Variants in NKAIN2 observed in about 807,000 individuals in gnomAD.
NKAIN2 encodes the protein sodium/potassium-transporting ATPase subunit beta-1-interacting protein 2.
A neutral mutation model predicts 32.6 loss-of-function variants in NKAIN2; 14 were observed. That is an observed-to-expected ratio of 0.43 (90% CI 0.28 to 0.67). The LOEUF is 0.67. NKAIN2 is among the 30% of genes least tolerant of loss of function. The pLI is 0.17. For synonymous variants in NKAIN2, 80 were observed against 87.2 expected (o/e 0.92, Z 0.46); for missense variants, 198 against 258.3 (o/e 0.77, Z 1.60).
chr6:124,483,262 A>T (rs1477775760), intron 3 of NKAIN2, among the ~76,000 whole-genome samples: 3 of 152,110 alleles, frequency 2.0e-5, no homozygotes, highest in African/African-American at 7.2e-5. Context: ...TGCCAACATC[A>T]CTCCATAAGT....
chr6:123,839,136 C>T (rs542305211), intron 1 of NKAIN2, among the ~76,000 whole-genome samples: 1 of 151,470 alleles, frequency 6.6e-6, no homozygotes, highest in South Asian at 2.1e-4. Context: ...GCACAGAAGG[C>T]TGGCAGAACA....
intron 1 of NKAIN2, among the ~76,000 whole-genome samples, chr6:124,025,321 C>T (rs775486297): frequency 6.6e-6 from 1 of 152,088 alleles, no homozygotes; most frequent in Non-Finnish European, 1.5e-5. Flanking sequence ...AGTAGGAGAT[C>T]GGATGCATGA....
chr6:124,824,697 AAACT>A lies in NKAIN2; in HGVS notation c.*1472_*1475del, dbSNP rs1400179153. The A allele has an allele frequency of 6.6e-6, 1 of 152,172 alleles. No individual in the cohort carries two copies. Among genetic ancestry groups the A allele is most frequent in the African/African-American group, 2.4e-5 (1 of 41,450 alleles). 9.4% of individuals were successfully genotyped at this position (152,172 alleles called of 1,614,324 possible). A position where few individuals can be genotyped will look rare whatever the true frequency, so the allele number is the denominator to read the frequency against. On this transcript the variant is annotated 3_prime_UTR_variant, in exon 7 of 7. Coordinates refer to ENST00000368417, the MANE Select transcript of NKAIN2 (RefSeq NM_001040214.3). ...CTGAGACATTAAACTCAATTTTTTA[AAACT>A]AACACACCATTCTTTAGTGCAGTGA...
intron 3 of NKAIN2, among the ~76,000 whole-genome samples, chr6:124,510,181 T>C (rs505424): frequency 0.012 from 1,896 of 152,168 alleles, 16 homozygotes; most frequent in Non-Finnish European, 0.019. Context: ...TATTTTTACA[T>C]CGAATGTTGG....
chr6:124,338,629 C>A (rs892339104), intron 2 of NKAIN2, among the ~76,000 whole-genome samples: 3 of 152,060 alleles, frequency 2.0e-5, no homozygotes, highest in African/African-American at 7.2e-5. Context: ...CATCCTAGAA[C>A]TTTATTCTAA....
chr6:124,256,638 A>T (rs1481700471), intron 1 of NKAIN2, among the ~76,000 whole-genome samples: 1 of 152,168 alleles, frequency 6.6e-6, no homozygotes, highest in South Asian at 2.1e-4. Flanking sequence ...GTCTTTCTCT[A>T]ATGTTTCAGC....
At chr6:124,309,132 A>G (rs925513903) in intron 2 of NKAIN2, among the ~76,000 whole-genome samples, 1 of 152,150 alleles carries the variant, frequency 6.6e-6, no homozygotes, top group Non-Finnish European at 1.5e-5. Context: ...AAGCTCACTC[A>G]CATACTAGTG....
Position 124,776,790 on chromosome 6 carries a change from G to A in NKAIN2, c.475-14549G>A, listed in dbSNP as rs555421762. Among the ~76,000 whole-genome samples the A allele has an allele frequency of 1.2e-3, 175 of 152,006 alleles. 1 individual carries two copies. The highest frequency in any genetic ancestry group is 3.9e-3 in the African/African-American group (163 of 41,480). On this transcript the variant is annotated intron_variant, in intron 4 of 6. Transcript: ENST00000368417. ...TCTTTAGCAATTGCTGGAGTATTAT[G>A]CTTCAAATTATAGGCACTCTAGATT...
intron 1 of NKAIN2, among the ~76,000 whole-genome samples, chr6:124,123,823 A>T (rs1026624182): frequency 1.2e-4 from 19 of 152,098 alleles, no homozygotes; most frequent in African/African-American, 4.6e-4. Flanking sequence ...AACACTCAAA[A>T]CTGCAAGGAG....
rs150653026 is a variant in NKAIN2 at position 124,732,753 on chromosome 6, T to G, written c.475-58586T>G. Among the ~76,000 whole-genome samples, 378 of 152,150 alleles carry G rather than the reference T, an allele frequency of 2.5e-3. 1 individual carries two copies. Among genetic ancestry groups the G allele is most frequent in the African/African-American group, 8.5e-3 (352 of 41,544 alleles). On this transcript the variant is annotated intron_variant, in intron 4 of 6. Transcript: ENST00000368417. ...GTATACCCTCAATTTTTAAGAATTC[T>G]TATATTGTGAATATTCTTAGAAAAC...
intron 3 of NKAIN2, among the ~76,000 whole-genome samples, chr6:124,496,568 C>T (rs1778071563): frequency 6.6e-6 from 1 of 151,904 alleles, no homozygotes; most frequent in South Asian, 2.1e-4. Flanking sequence ...GAGTTCTAGC[C>T]CAGAGCAGTG....
At chr6:124,297,532 G>T (rs1796107576) in intron 2 of NKAIN2, among the ~76,000 whole-genome samples, 1 of 151,934 alleles carries the variant, frequency 6.6e-6, no homozygotes, top group South Asian at 2.1e-4. Flanking sequence ...GCCCCGTGTG[G>T]CTCTCAGGTG....
At chr6:124,074,757 C>A (rs1025595918) in intron 1 of NKAIN2, among the ~76,000 whole-genome samples, 5 of 152,182 alleles carry the variant, frequency 3.3e-5, no homozygotes, top group Admixed American at 6.6e-5. Flanking sequence ...GTTACACCCT[C>A]TTGGAAGTCC....
chr6:123,957,150 AT>A (rs951299541), intron 1 of NKAIN2, among the ~76,000 whole-genome samples: 22 of 152,198 alleles, frequency 1.4e-4, no homozygotes, highest in African/African-American at 5.3e-4. Flanking sequence ...AAAATCAATC[AT>A]TTTTTATGCG....
chr6:124,015,578 T>A (rs1780529196), intron 1 of NKAIN2, among the ~76,000 whole-genome samples: 1 of 152,202 alleles, frequency 6.6e-6, no homozygotes, highest in Admixed American at 6.5e-5. Flanking sequence ...ATAGTTCAGC[T>A]GAGAACAAAA....
intron 5 of NKAIN2, among the ~76,000 whole-genome samples, chr6:124,813,203 G>T (rs184915915): frequency 6.6e-6 from 1 of 152,042 alleles, no homozygotes; most frequent in Non-Finnish European, 1.5e-5. Flanking sequence ...AAAAAGCCCC[G>T]AAATACCACA....
chr6:124,267,497 A>G (rs1188110374), intron 1 of NKAIN2, among the ~76,000 whole-genome samples: 1 of 151,824 alleles, frequency 6.6e-6, no homozygotes, highest in Non-Finnish European at 1.5e-5. Context: ...AAAAAAAAAA[A>G]AAAAAGAGAA....
intron 1 of NKAIN2, among the ~76,000 whole-genome samples, chr6:124,232,605 ATCTAAG>A (rs1346439913): frequency 6.6e-6 from 1 of 152,166 alleles, no homozygotes; most frequent in Non-Finnish European, 1.5e-5. Flanking sequence ...CAAATCTTTA[ATCTAAG>A]TCTGTCTCTA....
chr6:124,655,636 C>G (rs1337274377), intron 3 of NKAIN2, among the ~76,000 whole-genome samples: 1 of 152,080 alleles, frequency 6.6e-6, no homozygotes, highest in Non-Finnish European at 1.5e-5. Flanking sequence ...GGATAGTTAC[C>G]TATCTGAACC....
Sources: allele counts gnomAD v4.1 joint callset (sites outside exome capture counted in the v4.1 genomes callset), GRCh38; gene constraint gnomAD v4.1.1; transcripts MANE v1.5; gene names NCBI Gene and HGNC (gene_info 2026-07-23, HGNC 2026-07-21).